Variants in DOCK1 observed in about 807,000 individuals in gnomAD.
DOCK1 encodes dedicator of cytokinesis protein 1.
A neutral mutation model predicts 262.7 loss-of-function variants in DOCK1; 138 were observed. The ratio of observed to expected loss-of-function variants is 0.53; its 90% CI spans 0.46 to 0.61. DOCK1 has a LOEUF of 0.61. Among genes scored for constraint, DOCK1 ranks in the 20% least tolerant of loss-of-function variants. The probability of loss-of-function intolerance (pLI) is 0.00; values close to 1 mark genes in which losing one functional copy is unlikely to be tolerated. For missense variants in DOCK1, 1,908 were observed against 2,370.7 expected (o/e 0.80, Z 4.05); for synonymous variants, 866 against 867.4 (o/e 1.00, Z 0.03).
At chr10:126,906,212 C>G (rs2030780138) in intron 1 of DOCK1, among the ~76,000 whole-genome samples, 1 of 152,202 alleles carries the variant, frequency 6.6e-6, no homozygotes, top group Non-Finnish European at 1.5e-5. Flanking sequence ...GAGCGGGGGC[C>G]TGTTTTTGCT....
intron 27 of DOCK1, among the ~76,000 whole-genome samples, chr10:127,160,008 C>T (rs2053451318): frequency 6.6e-6 from 1 of 152,134 alleles, no homozygotes; most frequent in African/African-American, 2.4e-5. Context: ...TGCAAGCTTT[C>T]TTCCCGGCCA....
At chr10:127,277,294 T>C (rs2060777799) in intron 29 of DOCK1, among the ~76,000 whole-genome samples, 1 of 152,224 alleles carries the variant, frequency 6.6e-6, no homozygotes, top group Non-Finnish European at 1.5e-5. Flanking sequence ...AAAATACATA[T>C]AGACCTTGCA....
At chr10:126,952,319 ATTG>A (rs1209870850) in intron 1 of DOCK1, among the ~76,000 whole-genome samples, 15 of 145,854 alleles carry the variant, frequency 1.0e-4, no homozygotes, top group East Asian at 4.0e-4. Flanking sequence ...TAGTATTGTT[ATTG>A]TTGGTTGTAT....
intron 27 of DOCK1, among the ~76,000 whole-genome samples, chr10:127,140,021 T>A (rs1327831841): frequency 6.6e-6 from 1 of 152,210 alleles, no homozygotes; most frequent in East Asian, 1.9e-4. Flanking sequence ...ATGTTAGGTA[T>A]AGAAGCGTAA....
At chr10:127,067,111 ACT>A (rs1389847113) in intron 23 of DOCK1, among the ~76,000 whole-genome samples, 1 of 152,092 alleles carries the variant, frequency 6.6e-6, no homozygotes, top group African/African-American at 2.4e-5. Context: ...CAACTTAAAA[ACT>A]CTGGTGAAAT....
chr10:126,941,687 G>A (rs971515239), intron 1 of DOCK1, among the ~76,000 whole-genome samples: 72 of 152,088 alleles, frequency 4.7e-4, no homozygotes, highest in African/African-American at 1.3e-3. Context: ...CCCGGGAGGC[G>A]GAGCTTGCAG....
intron 1 of DOCK1, among the ~76,000 whole-genome samples, chr10:126,968,226 G>A (rs1461788113): frequency 2.0e-5 from 3 of 152,064 alleles, no homozygotes; most frequent in South Asian, 2.1e-4. Flanking sequence ...GCATCCTTCC[G>A]CTCCTCTCTC....
intron 28 of DOCK1, among the ~76,000 whole-genome samples, chr10:127,255,253 A>G (rs1204929558): frequency 2.0e-5 from 3 of 152,146 alleles, no homozygotes; most frequent in Non-Finnish European, 2.9e-5. Flanking sequence ...TAAAAAAACT[A>G]GCCAGGCATG....
intron 46 of DOCK1, among the ~76,000 whole-genome samples, chr10:127,421,310 G>A (rs1183544433): frequency 6.6e-6 from 1 of 152,128 alleles, no homozygotes; most frequent in Non-Finnish European, 1.5e-5. Context: ...TTAGAGTGGA[G>A]CAAGGCTGAG....
chr10:127,339,695 T>TTGTGTG lies in DOCK1; in HGVS notation c.3123+646_3123+651dup, dbSNP rs112206811. Among the ~76,000 whole-genome samples the TTGTGTG allele has an allele frequency of 8.6e-4, 95 of 109,830 alleles. 1 individual carries two copies. The highest frequency in any genetic ancestry group is 2.4e-3 in the African/African-American group (73 of 30,004). 72.1% of individuals were successfully genotyped at this position (109,830 alleles called of 152,430 possible). A position where few individuals can be genotyped will look rare whatever the true frequency, so the allele number is the denominator to read the frequency against. ...AAGGATTGATTTTGCCTGGCCTGATTTGTGTGTGTGTGTGTGTGTGTGTGT... is the reference window on the plus strand; with the variant it reads ...AAGGATTGATTTTGCCTGGCCTGATTTGTGTGTGTGTGTGTGTGTGTGTGTGTGTGT... On this transcript the variant is annotated intron_variant, in intron 30 of 51. Coordinates refer to ENST00000623213, the MANE Select transcript of DOCK1 (RefSeq NM_001290223.2).
intron 1 of DOCK1, among the ~76,000 whole-genome samples, chr10:126,942,258 C>T (rs1380096096): frequency 2.0e-5 from 3 of 152,142 alleles, no homozygotes; most frequent in African/African-American, 4.8e-5. Context: ...CTCCTGACCT[C>T]GTGATTCACC....
intron 43 of DOCK1, among the ~76,000 whole-genome samples, chr10:127,414,832 G>GGGGCT (rs1322164831): frequency 4.1e-4 from 63 of 152,182 alleles, no homozygotes; most frequent in African/African-American, 1.4e-3. Flanking sequence ...TTGCTCAAGA[G>GGGGCT]GGGCTCCCCA....
intron 27 of DOCK1, among the ~76,000 whole-genome samples, chr10:127,196,371 G>A (rs1321217881): frequency 6.7e-6 from 1 of 148,684 alleles, no homozygotes; most frequent in African/African-American, 2.4e-5. Flanking sequence ...ACCCGGCTTC[G>A]CGCTCCTCCG....
At chr10:127,196,251 G>A (rs1488179031) in intron 27 of DOCK1, 1 of 148,862 alleles carries the variant, frequency 6.7e-6, no homozygotes, top group Non-Finnish European at 1.5e-5. Flanking sequence ...CGCGTCGCTC[G>A]CGTCCCTCCG....
chr10:126,927,332 C>G (rs2033818922), intron 1 of DOCK1, among the ~76,000 whole-genome samples: 1 of 152,160 alleles, frequency 6.6e-6, no homozygotes, highest in African/African-American at 2.4e-5. Flanking sequence ...AGGGACTAGG[C>G]ATTGAAATGT....
chr10:127,086,828 C>T (rs2047227171), intron 23 of DOCK1, among the ~76,000 whole-genome samples: 1 of 152,148 alleles, frequency 6.6e-6, no homozygotes, highest in African/African-American at 2.4e-5. Context: ...GACGAAACTA[C>T]TTTAATATTC....
intron 23 of DOCK1, among the ~76,000 whole-genome samples, chr10:127,071,469 A>G (rs1301729433): frequency 1.3e-5 from 2 of 152,192 alleles, no homozygotes; most frequent in Non-Finnish European, 2.9e-5. Flanking sequence ...TGAAATGAAA[A>G]TCATCTCTCT....
chr10:127,094,470 A>G (rs1283058015), intron 23 of DOCK1, among the ~76,000 whole-genome samples: 1 of 151,868 alleles, frequency 6.6e-6, no homozygotes, highest in African/African-American at 2.4e-5. Flanking sequence ...TGCTCCCTCT[A>G]CCTGTGAGTG....
intron 32 of DOCK1, among the ~76,000 whole-genome samples, chr10:127,356,393 T>C (rs73384668): frequency 0.021 from 3,133 of 152,252 alleles, 49 homozygotes; most frequent in African/African-American, 0.048. Flanking sequence ...GCCTTCCAAT[T>C]CCAAAACTCA....
Sources: allele counts gnomAD v4.1 joint callset (sites outside exome capture counted in the v4.1 genomes callset), GRCh38; gene constraint gnomAD v4.1.1; transcripts MANE v1.5; gene names NCBI Gene and HGNC (gene_info 2026-07-23, HGNC 2026-07-21).